Variants in TMEM178B observed in about 807,000 individuals in gnomAD.
The protein encoded by TMEM178B is transmembrane protein 178B.
In TMEM178B, 5 loss-of-function variants were observed where a neutral mutation model predicts 31.0. That is an observed-to-expected ratio of 0.16 (90% confidence interval 0.08 to 0.34). TMEM178B has a LOEUF of 0.34. TMEM178B is among the 10% of genes least tolerant of loss of function. The pLI, the probability that TMEM178B is intolerant of heterozygous loss-of-function variation, is 1.00. For synonymous variants in TMEM178B, 164 were observed against 164.0 expected (o/e 1.00, Z 0.00); for missense variants, 275 against 400.3 (o/e 0.69, Z 2.67).
intron 1 of TMEM178B, among the ~76,000 whole-genome samples, chr7:141,079,412 G>A (rs939559543): frequency 2.0e-5 from 3 of 152,100 alleles, no homozygotes; most frequent in African/African-American, 7.2e-5. Context: ...TCCCACCATC[G>A]GAGAAAATTC....
chr7:141,262,950 A>G (rs1209303487), intron 2 of TMEM178B, among the ~76,000 whole-genome samples: 1 of 152,030 alleles, frequency 6.6e-6, no homozygotes, highest in East Asian at 1.9e-4. Flanking sequence ...ACCAAAATGC[A>G]TTTTCTTTCC....
intron 3 of TMEM178B, among the ~76,000 whole-genome samples, chr7:141,442,203 C>T (rs1801673376): frequency 6.6e-6 from 1 of 152,050 alleles, no homozygotes; most frequent in Non-Finnish European, 1.5e-5. Flanking sequence ...AACGTATGCC[C>T]TACCCCATCA....
chr7:141,247,446 T>C (rs953342890), intron 2 of TMEM178B, among the ~76,000 whole-genome samples: 1 of 152,184 alleles, frequency 6.6e-6, no homozygotes, highest in African/African-American at 2.4e-5. Flanking sequence ...CCCAGACCCA[T>C]GAGGGACCCT....
In TMEM178B at chr7:141,461,775, TGCAATTA is replaced by T. The variant is rs1802063777; in HGVS notation, c.635-8757_635-8751del. ...CACTGCCTTGTCCACCTTATACACCTGCAATTAGCACTCAGAGTGAGCTGAGCAGGGA... is the reference window on the plus strand; with the variant it reads ...CACTGCCTTGTCCACCTTATACACCTGCACTCAGAGTGAGCTGAGCAGGGA... On this transcript the variant is annotated intron_variant, in intron 3 of 3. Transcript: ENST00000565468. The surrounding 1 kb of genome is among the most constrained non-coding windows in gnomAD (Gnocchi z 4.0). Among the ~76,000 whole-genome samples the T allele has an allele frequency of 6.6e-6, 1 of 152,336 alleles. No individual in the cohort carries two copies. The highest frequency in any genetic ancestry group is 2.4e-5 in the African/African-American group (1 of 41,586).
chr7:141,220,593 A>G (rs1052937323), intron 2 of TMEM178B, among the ~76,000 whole-genome samples: 2 of 152,070 alleles, frequency 1.3e-5, no homozygotes, highest in Admixed American at 6.6e-5. Flanking sequence ...AAAAACATCC[A>G]CGTCCTGAAC....
chr7:141,258,086 TAATTC>T (rs1170461630), intron 2 of TMEM178B, among the ~76,000 whole-genome samples: 1 of 151,784 alleles, frequency 6.6e-6, no homozygotes, highest in East Asian at 1.9e-4. Flanking sequence ...AATACTAATT[TAATTC>T]TGGCAAAATG....
At chr7:141,390,452 A>G (rs1800513986) in intron 2 of TMEM178B, among the ~76,000 whole-genome samples, 1 of 152,198 alleles carries the variant, frequency 6.6e-6, no homozygotes, top group African/African-American at 2.4e-5. Context: ...ATCAGCTCCC[A>G]CTCAGAATCA....
intron 2 of TMEM178B, among the ~76,000 whole-genome samples, chr7:141,423,805 GTTTTTTTT>G (rs5888005): frequency 2.2e-4 from 24 of 108,818 alleles, no homozygotes; most frequent in African/African-American, 6.3e-4. Flanking sequence ...TGACATTTGT[GTTTTTTTT>G]TTTTTTTTTT....
chr7:141,189,736 C>T (rs7780760), intron 1 of TMEM178B, among the ~76,000 whole-genome samples: 102,270 of 152,092 alleles, frequency 0.67, 34,785 homozygotes, highest in Middle Eastern at 0.72. Context: ...GCCATTCTAA[C>T]GTCTCTCTAG....
At chr7:141,134,211 G>C (rs1795638618) in intron 1 of TMEM178B, among the ~76,000 whole-genome samples, 2 of 152,044 alleles carry the variant, frequency 1.3e-5, no homozygotes, top group African/African-American at 2.4e-5. Flanking sequence ...CTTCAGCCTA[G>C]GCAACAGAGT....
chr7:141,249,075 C>A (rs993170585), intron 2 of TMEM178B, among the ~76,000 whole-genome samples: 5 of 152,124 alleles, frequency 3.3e-5, no homozygotes, highest in African/African-American at 1.2e-4. Context: ...GAAGGGCCTA[C>A]CTGGAAGAGG....
At chr7:141,192,441 C>A (rs1796711667) in intron 1 of TMEM178B, among the ~76,000 whole-genome samples, 1 of 151,092 alleles carries the variant, frequency 6.6e-6, no homozygotes, top group Admixed American at 6.6e-5. Flanking sequence ...GGAGCTGCTA[C>A]AACTTGGGTT....
intron 1 of TMEM178B, among the ~76,000 whole-genome samples, chr7:141,130,898 CTGAG>C (rs1258680737): frequency 6.6e-6 from 1 of 152,170 alleles, no homozygotes; most frequent in Non-Finnish European, 1.5e-5. Flanking sequence ...TAAGTACAAA[CTGAG>C]TATGTGATCA....
chr7:141,374,225 G>T (rs1027696589), intron 2 of TMEM178B, among the ~76,000 whole-genome samples: 4 of 152,172 alleles, frequency 2.6e-5, no homozygotes, highest in African/African-American at 9.7e-5. Context: ...TTTGAAATCA[G>T]CATTTAAACG....
intron 2 of TMEM178B, among the ~76,000 whole-genome samples, chr7:141,223,830 T>C (rs4637730): frequency 0.51 from 76,865 of 151,956 alleles, 20,985 homozygotes; most frequent in African/African-American, 0.71. Context: ...TGTAAGTCTG[T>C]GTGATAGCCA....
chr7:141,222,057 C>T (rs1260305510), intron 2 of TMEM178B, among the ~76,000 whole-genome samples: 1 of 149,770 alleles, frequency 6.7e-6, no homozygotes, highest in Non-Finnish European at 1.5e-5. Context: ...AGGGTCAGGG[C>T]AGGAGAGCAT....
At chr7:141,310,361 A>T (rs1798887406) in intron 2 of TMEM178B, among the ~76,000 whole-genome samples, 1 of 152,222 alleles carries the variant, frequency 6.6e-6, no homozygotes. Context: ...TGCAAATCAA[A>T]ACTACAGCGA....
At chr7:141,167,024 A>G (rs576292356) in intron 1 of TMEM178B, among the ~76,000 whole-genome samples, 7 of 152,308 alleles carry the variant, frequency 4.6e-5, no homozygotes, top group African/African-American at 4.8e-5. Context: ...GAAAATGACA[A>G]TGTTAAAGAT....
the TMEM178B span, among the ~76,000 whole-genome samples, chr7:141,510,709 AAAAG>A: frequency 1.0e-4 from 14 of 135,044 alleles, 1 homozygote; most frequent in African/African-American, 4.5e-4. Flanking sequence ...AAAAAAAAAA[AAAAG>A]AAAAAAAAAG....
Sources: gnomAD v4.1 joint callset for allele counts (sites outside exome capture counted in the v4.1 genomes callset) on GRCh38, gnomAD v4.1.1 for gene constraint, Gnocchi (gnomAD v3.1) non-coding constraint, MANE v1.5 for transcripts, NCBI Gene and HGNC (gene_info 2026-07-23, HGNC 2026-07-21) for gene names.